The following DOCK8 variants were observed in gnomAD, a reference collection of about 807,000 sequenced individuals.
DOCK8 encodes dedicator of cytokinesis 8, also known as dedicator of cytokinesis protein 8.
DOCK8 carries 141 observed loss-of-function variants against 245.6 expected under a neutral mutation model. That is an observed-to-expected ratio of 0.57 (90% CI 0.50 to 0.66). DOCK8 has a LOEUF of 0.66. Ranked by LOEUF, DOCK8 falls within the 30% of genes least tolerant of loss-of-function variation. The pLI is 0.00. For missense variants in DOCK8, 2,965 were observed against 2,603.4 expected (o/e 1.14, Z -3.02); for synonymous variants, 1,168 against 970.2 (o/e 1.20, Z -3.79).
At chr9:386,637 T>C (rs1422023993) in intron 23 of DOCK8, among the ~76,000 whole-genome samples, 1 of 152,200 alleles carries the variant, frequency 6.6e-6, no homozygotes, top group Non-Finnish European at 1.5e-5. Context: ...TCTCCCACTT[T>C]CTCATGCATC....
intron 27 of DOCK8, among the ~76,000 whole-genome samples, chr9:406,193 A>G (rs1316586766): frequency 6.6e-6 from 1 of 152,166 alleles, no homozygotes; most frequent in African/African-American, 2.4e-5. Flanking sequence ...GCTTAAGCCA[A>G]ATTCAGAAGT....
At chr9:415,692 G>GCACACACACACACA in intron 29 of DOCK8, among the ~76,000 whole-genome samples, 1 of 151,086 alleles carries the variant, frequency 6.6e-6, no homozygotes, top group East Asian at 2.0e-4. Context: ...GTGCGCGCGT[G>GCACACACACACACA]CACACACACA....
intron 26 of DOCK8, among the ~76,000 whole-genome samples, chr9:403,937 T>C (rs1414036499): frequency 2.3e-5 from 2 of 85,328 alleles, no homozygotes; most frequent in African/African-American, 1.5e-4. Context: ...TATGTGTATA[T>C]ATATATGTGT....
intron 28 of DOCK8, among the ~76,000 whole-genome samples, chr9:412,619 G>C (rs981065238): frequency 2.0e-5 from 3 of 151,938 alleles, no homozygotes; most frequent in Non-Finnish European, 2.9e-5. Context: ...ATACACTTAC[G>C]ATGAGCAATC....
intron 44 of DOCK8, among the ~76,000 whole-genome samples, chr9:447,887 G>A (rs4741955): frequency 0.59 from 89,117 of 152,138 alleles, 29,257 homozygotes; most frequent in East Asian, 0.99. Flanking sequence ...TGACTCAGTC[G>A]GGAGGAGGTG....
rs116483820 is a variant in DOCK8 at position 304,717 on chromosome 9, A to G, written c.528+13A>G. 2.0e-3 allele frequency: 3,228 copies of G among 1,614,134 alleles called. 54 individuals are homozygous for G. The African/African-American group carries it at 0.038, about 19-fold the overall frequency. On this transcript the variant is annotated intron_variant, in intron 5 of 47. Coordinates refer to ENST00000432829, the MANE Select transcript of DOCK8 (RefSeq NM_203447.4). ...ACCCGCTGCTCAGGTATTTCCTGTC[A>G]ACAAACATGGTTACCAGGTTACTGG...
At chr9:406,157 C>G (rs1347361419) in intron 27 of DOCK8, among the ~76,000 whole-genome samples, 1 of 152,186 alleles carries the variant, frequency 6.6e-6, no homozygotes, top group Non-Finnish European at 1.5e-5. Flanking sequence ...ACTTGTAGTT[C>G]CAGGCCAGCA....
At chr9:376,354 C>A (rs566507692) in intron 19 of DOCK8, 49 bp downstream of exon 19, 1 of 1,276,816 alleles carries the variant, frequency 7.8e-7, no homozygotes. Context: ...AGCGGAGGAG[C>A]CTTTGAAGGA....
chr9:360,183 G>C (rs2052654519), intron 14 of DOCK8, among the ~76,000 whole-genome samples: 1 of 152,020 alleles, frequency 6.6e-6, no homozygotes, highest in South Asian at 2.1e-4. Context: ...GGGCCTGGTA[G>C]CATGCTCCTG....
At chr9:400,704 C>T (rs1042695139) in intron 26 of DOCK8, among the ~76,000 whole-genome samples, 6 of 89,852 alleles carry the variant, frequency 6.7e-5, no homozygotes, top group Admixed American at 1.1e-4. Context: ...ACCACCACCA[C>T]CACCTCCACC....
chr9:357,266 A>C (rs2052489977), intron 14 of DOCK8, among the ~76,000 whole-genome samples: 1 of 152,230 alleles, frequency 6.6e-6, no homozygotes, highest in African/African-American at 2.4e-5. Context: ...ATATCATAGC[A>C]GCTATATTTA....
intron 2 of DOCK8, among the ~76,000 whole-genome samples, chr9:273,908 G>T (rs951871470): frequency 1.3e-5 from 2 of 152,096 alleles, no homozygotes; most frequent in African/African-American, 2.4e-5. Flanking sequence ...GTTTCTCCAT[G>T]TTGGTAGGGC....
At chr9:379,966 G>T in intron 21 of DOCK8, 31 bp downstream of exon 21, 1 of 1,602,616 alleles carries the variant, frequency 6.2e-7, no homozygotes, top group Non-Finnish European at 8.5e-7. Flanking sequence ...GGACTCTGGT[G>T]GGCGGGGCAA....
At chr9:304,762 G>A in intron 5 of DOCK8, 58 bp downstream of exon 5, 1 of 1,612,816 alleles carries the variant, frequency 6.2e-7, no homozygotes, top group South Asian at 1.1e-5. Flanking sequence ...CCCAGGGCAT[G>A]CTGTCAGTTT....
At chr9:242,612 A>G (rs775620243) in intron 1 of DOCK8, among the ~76,000 whole-genome samples, 1 of 152,208 alleles carries the variant, frequency 6.6e-6, no homozygotes, top group African/African-American at 2.4e-5. Flanking sequence ...GGATGCAGAT[A>G]TGGAAACTGA....
intron 5 of DOCK8, among the ~76,000 whole-genome samples, chr9:305,376 G>A (rs10119118): frequency 0.022 from 3,322 of 151,578 alleles, 54 homozygotes; most frequent in African/African-American, 0.036. Flanking sequence ...TCCGCCTCCC[G>A]GGTTCACGCC....
Position 304,587 on chromosome 9 carries a change from A to G in DOCK8, c.411A>G (p.Gln137=), listed in dbSNP as rs547730018. The change falls in exon 5 of 48, where the codon CAA becomes CAG. Residue 137 remains glutamine (Q), a synonymous_variant. Coordinates refer to ENST00000432829, the MANE Select transcript of DOCK8 (RefSeq NM_203447.4). ...REWLIVNRKN[Q]GSPEICGFKK... Reference sequence around the variant, plus strand: ...TAAATATCAACCATAAAAGAAACCAAGGAAGTCCAGAAATCTGTGGCTTTA... The same window carrying G: ...TAAATATCAACCATAAAAGAAACCAGGGAAGTCCAGAAATCTGTGGCTTTA... 3 of 1,614,134 alleles carry G rather than the reference A, an allele frequency of 1.9e-6. No homozygotes were observed. The African/African-American group carries it at 4.0e-5, about 22-fold the overall frequency.
At chr9:265,529 C>G (rs1048818006) in intron 1 of DOCK8, among the ~76,000 whole-genome samples, 2 of 152,126 alleles carry the variant, frequency 1.3e-5, no homozygotes, top group African/African-American at 4.8e-5. Flanking sequence ...TTTCTTTACC[C>G]CACCCCTTTC....
rs375955272 is a variant in DOCK8, at chr9:456,944, A to C, written c.6068+4827A>C. The C allele has an allele frequency of 1.3e-3, 196 of 152,294 alleles. 2 individuals carry two copies. Among genetic ancestry groups the C allele is most frequent in the African/African-American group, 4.5e-3 (188 of 41,544 alleles). The allele number at this position is 152,294 out of a possible 1,614,324, so 9.4% of individuals were successfully genotyped here. Reference sequence around the variant, plus strand: ...ACCAGTTACAGCTTGCCTTTAAGAGAAGTAGTTTCAGATACACCCTGAAAG... The same window carrying C: ...ACCAGTTACAGCTTGCCTTTAAGAGCAGTAGTTTCAGATACACCCTGAAAG... On this transcript the variant is annotated intron_variant, in intron 46 of 47. Transcript: ENST00000432829.
Sources: gnomAD v4.1 joint callset for allele counts (sites outside exome capture counted in the v4.1 genomes callset) on GRCh38, gnomAD v4.1.1 for gene constraint, MANE v1.5 for transcripts, NCBI Gene and HGNC (gene_info 2026-07-23, HGNC 2026-07-21) for gene names.